The following TBC1D4 variants were observed in gnomAD, a reference collection of about 807,000 sequenced individuals.
TBC1D4 encodes TBC1 domain family member 4, also known as TBC (Tre-2, BUB2, CDC16) domain-containing protein.
In TBC1D4, 121 loss-of-function variants were observed where a neutral mutation model predicts 142.5. That is an observed-to-expected ratio of 0.85 (90% CI 0.73 to 0.99). The LOEUF (loss-of-function observed/expected upper bound fraction) is 0.99. Ranked by LOEUF, TBC1D4 falls within the 50% of genes least tolerant of loss-of-function variation. The pLI is 0.00. For synonymous variants in TBC1D4, 630 were observed against 628.2 expected (o/e 1.00, Z -0.04); for missense variants, 1,475 against 1,606.6 (o/e 0.92, Z 1.40).
At chr13:75,424,651 A>T (rs1408603635) in intron 1 of TBC1D4, among the ~76,000 whole-genome samples, 1 of 152,212 alleles carries the variant, frequency 6.6e-6, no homozygotes, top group Non-Finnish European at 1.5e-5. Flanking sequence ...GCATGGTACT[A>T]GCATAAAAGC....
At chr13:75,361,433 T>A (rs1223691272) in intron 2 of TBC1D4, among the ~76,000 whole-genome samples, 3 of 152,126 alleles carry the variant, frequency 2.0e-5, no homozygotes, top group African/African-American at 7.2e-5. Context: ...CAGGCTCGAG[T>A]GCAGGGGGTC....
intron 1 of TBC1D4, among the ~76,000 whole-genome samples, chr13:75,444,365 G>A (rs757427880): frequency 1.4e-4 from 22 of 152,094 alleles, no homozygotes; most frequent in Non-Finnish European, 2.5e-4. Flanking sequence ...AGCTTTGAGC[G>A]ATCGCCCCTC....
At chr13:75,391,075 A>ACAC (rs1566453118) in intron 1 of TBC1D4, among the ~76,000 whole-genome samples, 1 of 100,692 alleles carries the variant, frequency 9.9e-6, no homozygotes, top group African/African-American at 4.1e-5. Context: ...CACACACACA[A>ACAC]ACAACTTGTA....
At chr13:75,470,197 T>C (rs1888341363) in intron 1 of TBC1D4, among the ~76,000 whole-genome samples, 1 of 152,176 alleles carries the variant, frequency 6.6e-6, no homozygotes, top group South Asian at 2.1e-4. Context: ...ATAATAAAGA[T>C]TTTAGGCCTG....
rs543042627 is a variant in TBC1D4 at position 75,444,495 on chromosome 13, G to A, written c.498+36775C>T. On this transcript the variant is annotated intron_variant, in intron 1 of 20. Coordinates refer to ENST00000377636, the MANE Select transcript of TBC1D4 (RefSeq NM_014832.5). ...GATAAGATAATAATAAAGTCCAAGG[G>A]AATGGAAAAAACAAGGTGATCAAAA... Among the ~76,000 whole-genome samples the A allele has an allele frequency of 1.3e-4, 20 of 152,208 alleles. 1 individual carries two copies. In the South Asian group the frequency reaches 4.2e-3, roughly 32 times the overall value.
intron 20 of TBC1D4, among the ~76,000 whole-genome samples, chr13:75,288,653 C>CGAA (rs1043428061): frequency 1.3e-5 from 2 of 152,166 alleles, no homozygotes; most frequent in African/African-American, 4.8e-5. Context: ...CATTCAATTC[C>CGAA]TCCTCCCTTT....
intron 1 of TBC1D4, chr13:75,377,109 C>T (rs999830906): frequency 6.6e-5 from 10 of 152,228 alleles, no homozygotes; most frequent in African/African-American, 2.4e-4. Flanking sequence ...ATCAAGTCTT[C>T]AGTGCAACAC....
At position 75,362,688 on chromosome 13, in the gene TBC1D4, T is replaced by C. The variant is rs1882639447; in HGVS notation, c.499-81A>G. On this transcript the variant is annotated intron_variant, in intron 1 of 20. Coordinates refer to ENST00000377636, the MANE Select transcript of TBC1D4 (RefSeq NM_014832.5). This position sits in a 1 kb window ranked among gnomAD's most constrained non-coding sequence, Gnocchi z 4.2. Reference sequence around the variant, plus strand: ...TTTACCTAGCCCAATTATTACCACATGGAATGTATTTTCATCCTAAATAAT... The same window carrying C: ...TTTACCTAGCCCAATTATTACCACACGGAATGTATTTTCATCCTAAATAAT... 8 of 1,435,724 alleles carry C rather than the reference T, an allele frequency of 5.6e-6. No individual in the cohort carries two copies. The highest frequency in any genetic ancestry group is 1.8e-4 in the Middle Eastern group (1 of 5,620). 88.9% of individuals were successfully genotyped at this position (1,435,724 alleles called of 1,614,324 possible). A position where few individuals can be genotyped will look rare whatever the true frequency, so the allele number is the denominator to read the frequency against.
intron 20 of TBC1D4, among the ~76,000 whole-genome samples, chr13:75,288,011 C>T (rs1174047993): frequency 6.6e-6 from 1 of 152,168 alleles, no homozygotes; most frequent in Non-Finnish European, 1.5e-5. Flanking sequence ...CAGGGCATGG[C>T]TACATAGCAC....
At chr13:75,406,163 A>C (rs1885330379) in intron 1 of TBC1D4, among the ~76,000 whole-genome samples, 1 of 152,250 alleles carries the variant, frequency 6.6e-6, no homozygotes, top group Non-Finnish European at 1.5e-5. Flanking sequence ...TTTTTTAACA[A>C]GCTGACTTGA....
chr13:75,400,156 ATTG>A (rs1885011599), intron 1 of TBC1D4, among the ~76,000 whole-genome samples: 1 of 152,222 alleles, frequency 6.6e-6, no homozygotes, highest in African/African-American at 2.4e-5. Context: ...AGAAAGGTGA[ATTG>A]TTATGTACCC....
intron 1 of TBC1D4, among the ~76,000 whole-genome samples, chr13:75,394,930 G>A (rs776571547): frequency 1.6e-4 from 25 of 152,200 alleles, no homozygotes; most frequent in Non-Finnish European, 2.8e-4. Context: ...ATTTGACAGA[G>A]CATACAGGTG....
chr13:75,380,240 G>A (rs1883752177), intron 1 of TBC1D4, among the ~76,000 whole-genome samples: 1 of 151,812 alleles, frequency 6.6e-6, no homozygotes, highest in African/African-American at 2.4e-5. Context: ...GGGAGGCCGA[G>A]GCGGGTGGAT....
At chr13:75,365,975 G>A (rs1407893473) in intron 1 of TBC1D4, among the ~76,000 whole-genome samples, 2 of 152,212 alleles carry the variant, frequency 1.3e-5, no homozygotes, top group African/African-American at 4.8e-5. Flanking sequence ...ATAGAAAGCA[G>A]TGGCTTCTCA....
intron 1 of TBC1D4, among the ~76,000 whole-genome samples, chr13:75,438,782 G>A (rs1886909119): frequency 6.6e-6 from 1 of 152,134 alleles, no homozygotes; most frequent in Non-Finnish European, 1.5e-5. Context: ...AGAAAATCTA[G>A]AAATAGTTTC....
At chr13:75,345,737 CAA>C (rs112998838) in intron 5 of TBC1D4, among the ~76,000 whole-genome samples, 12 of 119,424 alleles carry the variant, frequency 1.0e-4, no homozygotes, top group Admixed American at 8.6e-5. Flanking sequence ...TAAGAAAATA[CAA>C]AAAAAAAAAA....
intron 16 of TBC1D4, among the ~76,000 whole-genome samples, chr13:75,301,760 T>G (rs526098): frequency 0.11 from 16,516 of 152,212 alleles, 1,333 homozygotes; most frequent in African/African-American, 0.23. Flanking sequence ...TATAGGTGTA[T>G]AGTCATAATT....
chr13:75,437,154 G>T (rs530030218), intron 1 of TBC1D4, among the ~76,000 whole-genome samples: 14 of 152,184 alleles, frequency 9.2e-5, no homozygotes, highest in Non-Finnish European at 1.5e-4. Flanking sequence ...GGCCTAAAGG[G>T]GTATTACTGA....
chr13:75,476,642 CAG>C (rs1233866389), intron 1 of TBC1D4, among the ~76,000 whole-genome samples: 1 of 152,166 alleles, frequency 6.6e-6, no homozygotes, highest in African/African-American at 2.4e-5. Context: ...AAAAATATTC[CAG>C]AGTCAAATAT....
Sources: gnomAD v4.1 joint callset for allele counts (sites outside exome capture counted in the v4.1 genomes callset) on GRCh38, gnomAD v4.1.1 for gene constraint, Gnocchi (gnomAD v3.1) non-coding constraint, MANE v1.5 for transcripts, NCBI Gene and HGNC (gene_info 2026-07-23, HGNC 2026-07-21) for gene names.